Variants in COL28A1 observed in about 807,000 individuals in gnomAD.
COL28A1 encodes the protein collagen type XXVIII alpha 1 chain.
A neutral mutation model predicts 150.2 loss-of-function variants in COL28A1; 161 were observed. The ratio of observed to expected loss-of-function variants is 1.07; its 90% CI spans 0.94 to 1.22. The LOEUF (loss-of-function observed/expected upper bound fraction) is 1.22. Among genes scored for constraint, COL28A1 ranks in the 50% most tolerant of loss-of-function variants. The probability of loss-of-function intolerance (pLI) is 0.00; values close to 1 mark genes in which losing one functional copy is unlikely to be tolerated. For missense variants in COL28A1, 1,617 were observed against 1,388.3 expected (o/e 1.16, Z -2.62); for synonymous variants, 552 against 469.7 (o/e 1.18, Z -2.26).
intron 31 of COL28A1, among the ~76,000 whole-genome samples, chr7:7,374,054 T>TATATATATATA (rs1310987233): frequency 2.8e-4 from 40 of 142,540 alleles, no homozygotes; most frequent in African/African-American, 1.1e-3. Flanking sequence ...TATATATATA[T>TATATATATATA]ATATATACTT....
At chr7:7,389,609 T>C (rs1313835729) in intron 27 of COL28A1, among the ~76,000 whole-genome samples, 1 of 152,226 alleles carries the variant, frequency 6.6e-6, no homozygotes, top group Non-Finnish European at 1.5e-5. Flanking sequence ...TTTCACAATA[T>C]TGATTCTTCC....
intron 31 of COL28A1, among the ~76,000 whole-genome samples, chr7:7,374,846 C>T (rs368169587): frequency 5.9e-5 from 9 of 152,166 alleles, no homozygotes; most frequent in Admixed American, 1.3e-4. Context: ...CTGCCTCTGA[C>T]CACTTTAAAC....
rs746622084 is a variant in COL28A1, at chr7:7,375,546, T to C, written c.2323-49A>G. 1.8e-5 allele frequency: 23 copies of C among 1,254,774 alleles called. 1 individual carries two copies. In the East Asian group the frequency reaches 5.6e-4, roughly 31 times the overall value. The allele number at this position is 1,254,774 out of a possible 1,614,324, so 77.7% of individuals were successfully genotyped here. Reference sequence around the variant, plus strand: ...ATTACTATATGTATGACTATAATATTTTTCCTAGAGCCATAAAAGATATCT... The same window carrying C: ...ATTACTATATGTATGACTATAATATCTTTCCTAGAGCCATAAAAGATATCT... On this transcript the variant is annotated intron_variant, in intron 30 of 34. Transcript: ENST00000399429.
rs751248769 is a variant in COL28A1, at chr7:7,444,531, C to A, written c.1510-42G>T. On this transcript the variant is annotated intron_variant, in intron 18 of 34. Transcript: ENST00000399429. ...TATTTTATTTCCCTAAAGTTCATAC[C>A]TCCATTCTGAGGTACTTGCAATTGG... 14 of 1,585,800 alleles carry A rather than the reference C, an allele frequency of 8.8e-6. No homozygotes were observed. The South Asian group carries it at 1.4e-4, about 16-fold the overall frequency.
chr7:7,537,359 C>G (rs367558238), upstream of COL28A1, among the ~76,000 whole-genome samples: 4 of 152,320 alleles, frequency 2.6e-5, no homozygotes, highest in African/African-American at 9.6e-5. Context: ...CCCACACAGA[C>G]ATGGGGAAAA....
At chr7:7,376,663 T>C (rs868027428) in intron 30 of COL28A1, among the ~76,000 whole-genome samples, 1 of 152,020 alleles carries the variant, frequency 6.6e-6, no homozygotes, top group East Asian at 1.9e-4. Flanking sequence ...TTATATTAAG[T>C]ATATCTAGAA....
At chr7:7,400,975 GGTGTGTGTGTGTGTGTGTGTGTGTGT>G (rs60064708) in intron 27 of COL28A1, among the ~76,000 whole-genome samples, 17 of 119,074 alleles carry the variant, frequency 1.4e-4, no homozygotes, top group Non-Finnish European at 2.4e-4. Context: ...TGGGTATTTG[GGTGTGTGTGTGTGTGTGTGTGTGTGT>G]GTGTGTGTGT....
At position 7,446,944 on chromosome 7, in the gene COL28A1, A is replaced by C. The variant is rs1172142780; in HGVS notation, c.1510-2455T>G. On this transcript the variant is annotated intron_variant, in intron 18 of 34. Coordinates refer to ENST00000399429, the MANE Select transcript of COL28A1 (RefSeq NM_001037763.3). Reference sequence around the variant, plus strand: ...TATTCAGCTGAATATTGCTCAGTACATGTGTGTGAAGAAACTACCCAAGGC... The same window carrying C: ...TATTCAGCTGAATATTGCTCAGTACCTGTGTGTGAAGAAACTACCCAAGGC... Among the ~76,000 whole-genome samples, 6 of 152,178 alleles carry C rather than the reference A, an allele frequency of 3.9e-5. No homozygotes were observed. The East Asian group carries it at 7.7e-4, about 20-fold the overall frequency.
intron 11 of COL28A1, among the ~76,000 whole-genome samples, chr7:7,501,210 A>G (rs559135299): frequency 2.0e-4 from 30 of 152,342 alleles, no homozygotes; most frequent in African/African-American, 7.2e-4. Context: ...TCCTGCAGGA[A>G]TATTATGAAC....
chr7:7,487,344 G>A (rs1562807511), intron 13 of COL28A1, among the ~76,000 whole-genome samples: 2 of 152,152 alleles, frequency 1.3e-5, no homozygotes, highest in South Asian at 4.1e-4. Flanking sequence ...TTGGGAGGCA[G>A]AGGTGGGTTC....
intron 27 of COL28A1, among the ~76,000 whole-genome samples, chr7:7,383,065 T>C (rs1192848157): frequency 2.0e-5 from 3 of 152,002 alleles, no homozygotes; most frequent in Admixed American, 6.6e-5. Context: ...AAAAATCATA[T>C]AGAATAAAGT....
At chr7:7,393,434 G>C (rs1277143117) in intron 27 of COL28A1, among the ~76,000 whole-genome samples, 1 of 152,216 alleles carries the variant, frequency 6.6e-6, no homozygotes, top group Non-Finnish European at 1.5e-5. Flanking sequence ...ACAGGGTTCA[G>C]GGACCCACTT....
intron 27 of COL28A1, among the ~76,000 whole-genome samples, chr7:7,392,637 A>G (rs796922942): frequency 8.0e-4 from 122 of 151,702 alleles, no homozygotes; most frequent in African/African-American, 2.5e-3. Flanking sequence ...TGGTCTTTTC[A>G]CATAGTCCCA....
chr7:7,383,290 T>TGTGTGTGTG lies in COL28A1; in HGVS notation c.2137-1679_2137-1678insCACACACAC, dbSNP rs1562512522. 6.2e-4 allele frequency among the ~76,000 whole-genome samples: 76 copies of TGTGTGTGTG among 122,616 alleles called. 1 individual carries two copies. Among genetic ancestry groups the TGTGTGTGTG allele is most frequent in the East Asian group, 5.1e-3 (21 of 4,150 alleles). The allele number at this position is 122,616 out of a possible 152,430, so 80.4% of individuals were successfully genotyped here. On this transcript the variant is annotated intron_variant, in intron 27 of 34. Coordinates refer to ENST00000399429, the MANE Select transcript of COL28A1 (RefSeq NM_001037763.3). ...TGTGTGTGTGTGTGTGTGTGTGTGT[T>TGTGTGTGTG]TTTTTTGAGACAGAGTCTCACTCTG...
At position 7,358,719 on chromosome 7, in the gene COL28A1, C is replaced by T; in HGVS notation, c.3292G>A (p.Ala1098Thr). 6.2e-7 allele frequency: 1 copy of T among 1,613,996 alleles called. No homozygotes were observed. The highest frequency in any genetic ancestry group is 8.5e-7 in the Non-Finnish European group (1 of 1,179,946). ...WYYDKQVNSC[A>T]RFWFSGCNGS... ...TTACAGCCACTGAACCAAAATCGGG[C>T]ACAAGAGTTGACCTGTTTGTCATAA... Residue 1098 changes from alanine (A) to threonine (T), a missense_variant, in exon 35 of 35, where the codon GCC becomes ACC. Transcript: ENST00000399429.
At chr7:7,527,491 A>C (rs1160904152) in intron 3 of COL28A1, among the ~76,000 whole-genome samples, 2 of 152,218 alleles carry the variant, frequency 1.3e-5, no homozygotes, top group Non-Finnish European at 2.9e-5. Flanking sequence ...TATGAGGAAC[A>C]TTTAAAGGGA....
chr7:7,414,742 A>G (rs1783975467), intron 27 of COL28A1, among the ~76,000 whole-genome samples: 1 of 152,210 alleles, frequency 6.6e-6, no homozygotes, highest in African/African-American at 2.4e-5. Context: ...TGGTAGCCAG[A>G]GTGAGTCTCT....
chr7:7,485,341 T>C (rs923677529), intron 13 of COL28A1, among the ~76,000 whole-genome samples: 1 of 152,160 alleles, frequency 6.6e-6, no homozygotes, highest in African/African-American at 2.4e-5. Flanking sequence ...AGAATTTTTT[T>C]TAAAAATGTA....
At chr7:7,386,014 T>A (rs1782161211) in intron 27 of COL28A1, among the ~76,000 whole-genome samples, 1 of 152,176 alleles carries the variant, frequency 6.6e-6, no homozygotes, top group Non-Finnish European at 1.5e-5. Flanking sequence ...TGAGTGTGGG[T>A]CAGAAACAAC....
Sources: gnomAD v4.1 joint callset for allele counts (sites outside exome capture counted in the v4.1 genomes callset) on GRCh38, gnomAD v4.1.1 for gene constraint, MANE v1.5 for transcripts, NCBI Gene and HGNC (gene_info 2026-07-23, HGNC 2026-07-21) for gene names.